AKAP8: variants seen among roughly 807,000 people sequenced by gnomAD.
AKAP8 encodes the protein A-kinase anchoring protein 8.
In AKAP8, 24 loss-of-function variants were observed where a neutral mutation model predicts 67.5. The observed-to-expected ratio is 0.36, with a 90% CI of 0.26 to 0.50. The LOEUF (loss-of-function observed/expected upper bound fraction) is 0.50. Among genes scored for constraint, AKAP8 ranks in the 20% least tolerant of loss-of-function variants. AKAP8 has a pLI of 0.97. For missense variants in AKAP8, 971 were observed against 955.9 expected, an observed-to-expected ratio of 1.02 and a Z score of -0.21; for synonymous variants, 400 against 371.1, an observed-to-expected ratio of 1.08 and a Z score of -0.90.
rs772837580 is a variant in AKAP8, at chr19:15,354,897, G to A, written c.*18C>T. 4 of 1,610,798 alleles carry A rather than the reference G, an allele frequency of 2.5e-6. No individual in the cohort carries two copies. Among genetic ancestry groups the A allele is most frequent in the Non-Finnish European group, 2.5e-6 (3 of 1,177,802 alleles). On this transcript the variant is annotated 3_prime_UTR_variant, in exon 14 of 14. Transcript: ENST00000269701. Reference sequence around the variant, plus strand: ...CATCCATCATCCCAACGCCTTCCCTGGAACAGGGAAATGAGCATCATTCTG... The same window carrying A: ...CATCCATCATCCCAACGCCTTCCCTAGAACAGGGAAATGAGCATCATTCTG...
chr19:15,372,969 A>T lies in AKAP8; in HGVS notation c.743T>A (p.Phe248Tyr). The T allele has an allele frequency of 6.4e-7, 1 of 1,559,956 alleles. No homozygotes were observed. Among genetic ancestry groups the T allele is most frequent in the East Asian group, 2.3e-5 (1 of 44,360 alleles). ...PSPSRPPPSL[F>Y]SQSMAPDYGV... ...GTAGTCGGGAGCCATGGACTGGGAG[A>T]AGAGGGACGGAGGTGGCCGGCTGGG... The change falls in exon 5 of 14, where the codon TTC becomes TAC. Residue 248 changes from phenylalanine (F) to tyrosine (Y), a missense_variant. Phe to Tyr is a conservative substitution (Grantham distance 22, BLOSUM62 3). This residue lies in a region of AKAP8 where 763 missense variants were observed against 745.4 expected (regional missense o/e 1.02). Transcript: ENST00000269701.
chr19:15,359,387 A>T (rs1966928355), intron 12 of AKAP8, among the ~76,000 whole-genome samples: 1 of 152,232 alleles, frequency 6.6e-6, no homozygotes, highest in Non-Finnish European at 1.5e-5. Context: ...CTTTCTTTTC[A>T]GTTTTTGGGG....
At chr19:15,366,945 T>C (rs573630429) in intron 9 of AKAP8, among the ~76,000 whole-genome samples, 29 of 152,054 alleles carry the variant, frequency 1.9e-4, no homozygotes, top group Non-Finnish European at 3.7e-4. Flanking sequence ...TCTTGCTCTG[T>C]CGCCCAGGCT....
intron 11 of AKAP8, 94 bp from the exon 12 acceptor site, chr19:15,361,072 T>C: frequency 6.7e-7 from 1 of 1,483,190 alleles, no homozygotes. Context: ...CCTGCAACTC[T>C]AAGGAATCAG....
At chr19:15,379,683 C>G in intron 1 of AKAP8, 30 bp downstream of exon 1, 10 of 1,604,692 alleles carry the variant, frequency 6.2e-6, no homozygotes, top group Non-Finnish European at 7.6e-6. Flanking sequence ...GCCTTCCCTC[C>G]CCGCTCCGCA....
chr19:15,373,264 A>G lies in AKAP8; in HGVS notation c.448T>C (p.Tyr150His). 1 of 1,613,966 alleles carries G rather than the reference A, an allele frequency of 6.2e-7. No individual in the cohort carries two copies. Among genetic ancestry groups the G allele is most frequent in the Non-Finnish European group, 8.5e-7 (1 of 1,180,028 alleles). The change falls in exon 5 of 14, where the codon TAC (tyrosine) becomes CAC (histidine). Residue 150 changes from tyrosine to histidine, a missense_variant. Transcript: ENST00000269701. ...LPEHNPYRPS[Y>H]SYDYEFDLGS... ...AGGTCGAACTCATAGTCGTAGCTGTAGCTGGGGCGGTAGGGGTTGTGCTCC... is the reference window on the plus strand; with the variant it reads ...AGGTCGAACTCATAGTCGTAGCTGTGGCTGGGGCGGTAGGGGTTGTGCTCC...
At chr19:15,377,916 T>C (rs1967281795) in intron 1 of AKAP8, among the ~76,000 whole-genome samples, 1 of 152,168 alleles carries the variant, frequency 6.6e-6, no homozygotes, top group African/African-American at 2.4e-5. Context: ...GGAAGGAGAA[T>C]GGGAACTGTG....
At chr19:15,377,613 C>G (rs1026545094) in intron 1 of AKAP8, among the ~76,000 whole-genome samples, 1 of 152,170 alleles carries the variant, frequency 6.6e-6, no homozygotes, top group African/African-American at 2.4e-5. Flanking sequence ...GGACTACAGG[C>G]GCCTGCCACC....
chr19:15,356,895 C>A (rs1000594850), intron 13 of AKAP8, among the ~76,000 whole-genome samples: 1 of 151,958 alleles, frequency 6.6e-6, no homozygotes, highest in Non-Finnish European at 1.5e-5. Context: ...CTTTGGGAGG[C>A]GGAAGCAGGC....
In AKAP8 at chr19:15,370,338, G is replaced by C. The variant is rs1967133816; in HGVS notation, c.1039-159C>G. On this transcript the variant is annotated intron_variant, in intron 7 of 13. Transcript: ENST00000269701. ...CACAGTGTGTTAGGACCAGCCTCCGGGGCTCAGGACAGGGCCTGTGTGTCC... is the reference window on the plus strand; with the variant it reads ...CACAGTGTGTTAGGACCAGCCTCCGCGGCTCAGGACAGGGCCTGTGTGTCC... Among the ~76,000 whole-genome samples the C allele has an allele frequency of 2.0e-5, 3 of 152,032 alleles. No homozygotes were observed. The East Asian group carries it at 5.8e-4, about 29-fold the overall frequency.
Position 15,354,831 on chromosome 19 carries a change from C to A in AKAP8, c.*84G>T, listed in dbSNP as rs186783769. On this transcript the variant is annotated 3_prime_UTR_variant, in exon 14 of 14. Transcript: ENST00000269701. ...GATTACAGCATATTCTGGGAGCACA[C>A]GCCCTTGTACTGCTTACAAACCAAG... 17 of 1,481,412 alleles carry A rather than the reference C, an allele frequency of 1.1e-5. No homozygotes were observed. The highest frequency in any genetic ancestry group is 1.6e-5 in the Non-Finnish European group (17 of 1,089,408). The allele number at this position is 1,481,412 out of a possible 1,614,324, so 91.8% of individuals were successfully genotyped here.
chr19:15,371,574 C>T (rs1478998095), intron 7 of AKAP8, among the ~76,000 whole-genome samples: 11 of 151,980 alleles, frequency 7.2e-5, no homozygotes, highest in Admixed American at 6.6e-4. Flanking sequence ...CTGCAACCTC[C>T]ACCTCCCAGG....
chr19:15,374,483 G>T, intron 3 of AKAP8, 120 bp downstream of exon 3: 1 of 1,226,808 alleles, frequency 8.2e-7, no homozygotes, highest in Non-Finnish European at 1.1e-6. Context: ...GTGGCTGACT[G>T]CGTCCTCAGG....
intron 4 of AKAP8, 45 bp from the exon 5 acceptor site, chr19:15,373,385 C>A (rs1967196802): frequency 6.4e-7 from 1 of 1,555,742 alleles, no homozygotes; most frequent in East Asian, 2.3e-5. Context: ...CCCCGATCAC[C>A]CACTGCCACA....
chr19:15,354,753 A>T lies in AKAP8; in HGVS notation c.*162T>A, dbSNP rs2048265845. Reference sequence around the variant, plus strand: ...AGAAGCCACACGACTGCATGAGACAAGCCGTGAGAGGCACTGCTCAGGAGG... The same window carrying T: ...AGAAGCCACACGACTGCATGAGACATGCCGTGAGAGGCACTGCTCAGGAGG... On this transcript the variant is annotated 3_prime_UTR_variant, in exon 14 of 14. Coordinates refer to ENST00000269701, the MANE Select transcript of AKAP8 (RefSeq NM_005858.4). The T allele has an allele frequency of 1.3e-6, 1 of 754,712 alleles. No individual in the cohort carries two copies. The highest frequency in any genetic ancestry group is 2.8e-5 in the Admixed American group (1 of 35,488). 46.8% of individuals were successfully genotyped at this position (754,712 alleles called of 1,614,324 possible). A position where few individuals can be genotyped will look rare whatever the true frequency, so the allele number is the denominator to read the frequency against.
intron 9 of AKAP8, among the ~76,000 whole-genome samples, chr19:15,363,650 G>A (rs1967018576): frequency 6.6e-6 from 1 of 152,074 alleles, no homozygotes; most frequent in Non-Finnish European, 1.5e-5. Flanking sequence ...ACCCTGTCTG[G>A]GAGGTGTACC....
chr19:15,373,698 G>A lies in AKAP8; in HGVS notation c.371+88C>T, dbSNP rs1967202346. ...ACACCCAAGAGGGAGGCGGGGACAG[G>A]CCCTCCCTCAAGAGTGGGTGCCCAC... On this transcript the variant is annotated intron_variant, in intron 4 of 13. Coordinates refer to ENST00000269701, the MANE Select transcript of AKAP8 (RefSeq NM_005858.4). 30 of 1,435,468 alleles carry A rather than the reference G, an allele frequency of 2.1e-5. No individual in the cohort carries two copies. In the East Asian group the frequency reaches 7.0e-4, roughly 33 times the overall value. 88.9% of individuals were successfully genotyped at this position (1,435,468 alleles called of 1,614,324 possible). A position where few individuals can be genotyped will look rare whatever the true frequency, so the allele number is the denominator to read the frequency against.
At chr19:15,361,576 TCTC>T in intron 11 of AKAP8, 150 bp downstream of exon 11, 1 of 605,828 alleles carries the variant, frequency 1.7e-6, no homozygotes, top group Non-Finnish European at 3.0e-6. Flanking sequence ...ATGGCCTTGA[TCTC>T]CTGACCTCAT....
intron 4 of AKAP8, 122 bp from the exon 5 acceptor site, chr19:15,373,462 T>C: frequency 7.1e-7 from 1 of 1,407,744 alleles, no homozygotes; most frequent in South Asian, 1.5e-5. Context: ...GCATCCCACC[T>C]AAGTGCTGGG....
Sources: gnomAD v4.1 joint callset for allele counts (sites outside exome capture counted in the v4.1 genomes callset) on GRCh38, gnomAD v4.1.1 for gene constraint, gnomAD v4.1.1 regional missense constraint, MANE v1.5 for transcripts, NCBI Gene and HGNC (gene_info 2026-07-23, HGNC 2026-07-21) for gene names.